HADHA: variants seen among roughly 807,000 people sequenced by gnomAD.
HADHA encodes the protein hydroxyacyl-CoA dehydrogenase trifunctional multienzyme complex subunit alpha.
In HADHA, 59 loss-of-function variants were observed where a neutral mutation model predicts 91.3. The ratio of observed to expected loss-of-function variants is 0.65; its 90% CI spans 0.52 to 0.80. HADHA has a LOEUF of 0.80. Among genes scored for constraint, HADHA ranks in the 30% least tolerant of loss-of-function variants. The pLI is 0.00. For synonymous variants in HADHA, 320 were observed against 338.9 expected (o/e 0.94, Z 0.61); for missense variants, 800 against 927.6 (o/e 0.86, Z 1.79).
chr2:26,191,626 G>A lies in HADHA; in HGVS notation c.2003C>T (p.Ser668Leu). Reference sequence around the variant, plus strand: ...GCGGAACTGGATGTCTTCGTCTGATGAGCTGCCAACAGAAAGAGATGTTTA... The same window carrying A: ...GCGGAACTGGATGTCTTCGTCTGATAAGCTGCCAACAGAAAGAGATGTTTA... ...SLKLPPKSEV[S>L]SDEDIQFRLV... Residue 668 changes from serine to leucine, a missense_variant and splice_region_variant, in exon 19 of 20, where the codon TCA (serine) becomes TTA (leucine). Ser to Leu is a moderately radical substitution (Grantham distance 145, BLOSUM62 -2). Transcript: ENST00000380649. The A allele has an allele frequency of 6.2e-7, 1 of 1,614,044 alleles. No individual in the cohort carries two copies. The highest frequency in any genetic ancestry group is 1.1e-5 in the South Asian group (1 of 91,078).
intron 11 of HADHA, among the ~76,000 whole-genome samples, chr2:26,208,947 T>G (rs1190748708): frequency 6.6e-6 from 1 of 152,210 alleles, no homozygotes; most frequent in Non-Finnish European, 1.5e-5. Flanking sequence ...ATTTGTAATC[T>G]CATTAAAGGT....
chr2:26,208,164 T>C (rs1670012191), intron 11 of HADHA, among the ~76,000 whole-genome samples: 1 of 152,338 alleles, frequency 6.6e-6, no homozygotes, highest in South Asian at 2.1e-4. Context: ...TTTTTTCTGA[T>C]TTGCAAATGC....
In HADHA at chr2:26,236,946, C is replaced by T; in HGVS notation, c.223G>A (p.Val75Ile). The T allele has an allele frequency of 6.2e-7, 1 of 1,605,676 alleles. No homozygotes were observed. Among genetic ancestry groups the T allele is most frequent in the Non-Finnish European group, 8.5e-7 (1 of 1,172,236 alleles). Reference protein sequence around the residue: ...SKELHSEFSEVMNEIWASDQI... With the variant: ...SKELHSEFSEIMNEIWASDQI... ...TCACTAGCCCAGATTTCATTCATAA[C>T]TTCTGAGAACTCTGAATGTAGCTCT... Residue 75 changes from valine to isoleucine, a missense_variant, in exon 4 of 20, where the codon GTT becomes ATT. Transcript: ENST00000380649.
chr2:26,227,249 C>T (rs757607591), intron 7 of HADHA, among the ~76,000 whole-genome samples: 7 of 152,076 alleles, frequency 4.6e-5, no homozygotes, highest in Non-Finnish European at 7.4e-5. Context: ...TGGTGGCACA[C>T]GCCTGTAATC....
At chr2:26,191,696 C>G in intron 18 of HADHA, 68 bp from the exon 19 acceptor site, 2 of 1,536,390 alleles carry the variant, frequency 1.3e-6, no homozygotes, top group Non-Finnish European at 1.8e-6. Flanking sequence ...GCCGCAGATG[C>G]AGAATGGAAG....
At chr2:26,200,024 TGAG>T (rs1669789402) in intron 13 of HADHA, among the ~76,000 whole-genome samples, 1 of 152,100 alleles carries the variant, frequency 6.6e-6, no homozygotes, top group African/African-American at 2.4e-5. Context: ...CACGGAGACA[TGAG>T]GAAGATACTA....
At chr2:26,239,436 C>A (rs1295507119) in intron 1 of HADHA, among the ~76,000 whole-genome samples, 2 of 152,036 alleles carry the variant, frequency 1.3e-5, no homozygotes, top group African/African-American at 4.8e-5. Flanking sequence ...AATCAGTTGG[C>A]CTTAATAAAG....
chr2:26,206,869 A>T lies in HADHA; in HGVS notation c.1086-2673T>A, dbSNP rs556543401. ...CTGAGTAAAAAGTGCAAGCTACAGG[A>T]TCCATACAGAAGGATTCCTTTTATG... On this transcript the variant is annotated intron_variant, in intron 11 of 19. Transcript: ENST00000380649. Among the ~76,000 whole-genome samples the T allele has an allele frequency of 2.0e-5, 3 of 152,330 alleles. No homozygotes were observed. In the South Asian group the frequency reaches 6.2e-4, roughly 32 times the overall value.
At chr2:26,203,979 A>T in intron 12 of HADHA, 83 bp downstream of exon 12, 2 of 1,385,818 alleles carry the variant, frequency 1.4e-6, no homozygotes, top group Non-Finnish European at 2.1e-6. Flanking sequence ...ACAAACAAAA[A>T]AACCCACCAA....
At chr2:26,233,422 T>G (rs1670672775) in intron 5 of HADHA, among the ~76,000 whole-genome samples, 1 of 152,260 alleles carries the variant, frequency 6.6e-6, no homozygotes, top group Non-Finnish European at 1.5e-5. Flanking sequence ...TGTGAAAGTG[T>G]CTGGCACAGA....
intron 11 of HADHA, among the ~76,000 whole-genome samples, chr2:26,208,568 T>C (rs1396174804): frequency 1.3e-5 from 2 of 152,154 alleles, no homozygotes; most frequent in Non-Finnish European, 2.9e-5. Context: ...AGTTGGTGTA[T>C]CTAGGTTTTG....
At position 26,244,416 on chromosome 2, in the gene HADHA, C is replaced by A; in HGVS notation, c.67+114G>T. 7.6e-6 allele frequency: 8 copies of A among 1,054,288 alleles called. No individual in the cohort carries two copies. The South Asian group carries it at 1.1e-4, about 14-fold the overall frequency. 65.3% of individuals were successfully genotyped at this position (1,054,288 alleles called of 1,614,324 possible). ...CCCAGGGCAGTATCCCCACAGAGGG[C>A]TGCGTCTCCGGGCTGGGGCAGGCGG... On this transcript the variant is annotated intron_variant, in intron 1 of 19. Coordinates refer to ENST00000380649, the MANE Select transcript of HADHA (RefSeq NM_000182.5).
chr2:26,203,022 G>C (rs1173854472), intron 12 of HADHA, among the ~76,000 whole-genome samples: 1 of 152,196 alleles, frequency 6.6e-6, no homozygotes, highest in Admixed American at 6.5e-5. Flanking sequence ...AACTATTTTA[G>C]AGCAACAATT....
At chr2:26,228,368 T>C (rs1157682104) in intron 7 of HADHA, among the ~76,000 whole-genome samples, 1 of 152,008 alleles carries the variant, frequency 6.6e-6, no homozygotes, top group Non-Finnish European at 1.5e-5. Flanking sequence ...TGACCTCAGG[T>C]GATCAGCCTG....
chr2:26,230,132 A>C, intron 7 of HADHA, 60 bp downstream of exon 7: 1 of 1,086,010 alleles, frequency 9.2e-7, no homozygotes, highest in Non-Finnish European at 1.4e-6. Flanking sequence ...CTAAGAGGTT[A>C]ACTCTTTAAG....
Position 26,204,094 on chromosome 2 carries a change from C to A in HADHA, c.1188G>T (p.Ala396=), listed in dbSNP as rs781338540. 3.1e-6 allele frequency: 5 copies of A among 1,613,762 alleles called. No individual in the cohort carries two copies. Among genetic ancestry groups the A allele is most frequent in the Admixed American group, 3.3e-5 (2 of 60,012 alleles). Residue 396 remains alanine, a synonymous_variant, in exon 12 of 20, where the codon GCG becomes GCT. Coordinates refer to ENST00000380649, the MANE Select transcript of HADHA (RefSeq NM_000182.5). The part of the protein sequence containing the change: ...KTILKDATLT[A]LDRGQQQVFK... ...ACACTTGTTGCTGTCCTCGGTCTAG[C>A]GCAGTGAGGGTGGCATCTTTAAGTA...
In HADHA at chr2:26,214,432, G is replaced by A; in HGVS notation, c.918+11C>T. On this transcript the variant is annotated intron_variant, in intron 9 of 19. Transcript: ENST00000380649. The surrounding 1 kb of genome is among the most constrained non-coding windows in gnomAD (Gnocchi z 4.1). ...AATATGAGAAAAGTGGGAATATTGGGTAAGACTCACATCAATTATTTTCAG... is the reference window on the plus strand; with the variant it reads ...AATATGAGAAAAGTGGGAATATTGGATAAGACTCACATCAATTATTTTCAG... The A allele has an allele frequency of 8.2e-7, 1 of 1,223,530 alleles. No homozygotes were observed. The highest frequency in any genetic ancestry group is 1.2e-6 in the Non-Finnish European group (1 of 824,788). The allele number at this position is 1,223,530 out of a possible 1,614,324, so 75.8% of individuals were successfully genotyped here. A position where few individuals can be genotyped will look rare whatever the true frequency, so the allele number is the denominator to read the frequency against.
At chr2:26,203,344 T>C (rs1219216149) in intron 12 of HADHA, among the ~76,000 whole-genome samples, 2 of 152,202 alleles carry the variant, frequency 1.3e-5, no homozygotes, top group East Asian at 1.9e-4. Context: ...GTCCATTAAA[T>C]GTGAGCAGAA....
chr2:26,234,067 G>T, intron 5 of HADHA, 150 bp downstream of exon 5: 1 of 722,104 alleles, frequency 1.4e-6, no homozygotes, highest in Non-Finnish European at 2.4e-6. Flanking sequence ...GGAGACAAGA[G>T]CAAAATTCCG....
Sources: allele counts gnomAD v4.1 joint callset (sites outside exome capture counted in the v4.1 genomes callset), GRCh38; gene constraint gnomAD v4.1.1; non-coding constraint Gnocchi (gnomAD v3.1); transcripts MANE v1.5; gene names NCBI Gene and HGNC (gene_info 2026-07-23, HGNC 2026-07-21).